The following RIMKLB variants were observed in gnomAD, a reference collection of about 807,000 sequenced individuals.
RIMKLB encodes the protein ribosomal modification protein rimK like family member B, also known as beta-citrylglutamate synthase B.
In RIMKLB, 7 loss-of-function variants were observed where a neutral mutation model predicts 32.0. The observed-to-expected ratio is 0.22, with a 90% CI of 0.12 to 0.41. The LOEUF is 0.41. Ranked by LOEUF, RIMKLB falls within the 10% of genes least tolerant of loss-of-function variation. The pLI, the probability that RIMKLB is intolerant of heterozygous loss-of-function variation, is 1.00. For synonymous variants in RIMKLB, 172 were observed against 185.1 expected (o/e 0.93, Z 0.57); for missense variants, 289 against 498.7 (o/e 0.58, Z 4.00).
downstream of RIMKLB, chr12:8,779,782 A>G (rs1048448571): frequency 2.6e-5 from 4 of 152,170 alleles, no homozygotes; most frequent in African/African-American, 9.7e-5. Flanking sequence ...ATGGGAATAG[A>G]AATGAATCTC....
In RIMKLB at chr12:8,774,839, T is replaced by A; in HGVS notation, c.*1055T>A. On this transcript the variant is annotated 3_prime_UTR_variant, in exon 6 of 6. Transcript: ENST00000535829. ...GAAGTGATTTCGAATGCCAGCGTTA[T>A]ATATTTGCATTTTTCACATTTTACG... 1 of 985,642 alleles carries A rather than the reference T, an allele frequency of 1.0e-6. No individual in the cohort carries two copies. 61.1% of individuals were successfully genotyped at this position (985,642 alleles called of 1,614,324 possible). A position where few individuals can be genotyped will look rare whatever the true frequency, so the allele number is the denominator to read the frequency against.
At chr12:8,691,480 C>T (rs1942731354) in intron 1 of RIMKLB, among the ~76,000 whole-genome samples, 1 of 151,980 alleles carries the variant, frequency 6.6e-6, no homozygotes, top group African/African-American at 2.4e-5. Flanking sequence ...TGCAGTGGTG[C>T]ATGCCTGTAA....
downstream of RIMKLB, chr12:8,777,336 C>T (rs1006085744): frequency 5.1e-6 from 5 of 989,072 alleles, no homozygotes; most frequent in Non-Finnish European, 6.0e-6. Flanking sequence ...CAGAAATCTG[C>T]TGTTGGAATC....
intron 2 of RIMKLB, among the ~76,000 whole-genome samples, chr12:8,725,487 A>G (rs1945891838): frequency 2.0e-5 from 3 of 152,230 alleles, no homozygotes; most frequent in South Asian, 4.1e-4. Flanking sequence ...CATGTTGGCC[A>G]GGCTAGTCTC....
At chr12:8,680,270 C>T (rs868659160), upstream of RIMKLB, among the ~76,000 whole-genome samples, 38 of 152,238 alleles carry the variant, frequency 2.5e-4, no homozygotes, top group Non-Finnish European at 1.5e-4. Context: ...GTTCTCCTGC[C>T]TCAGCCTCCC....
intron 2 of RIMKLB, among the ~76,000 whole-genome samples, chr12:8,730,447 G>T (rs1320935781): frequency 6.6e-6 from 1 of 152,136 alleles, no homozygotes; most frequent in Non-Finnish European, 1.5e-5. Context: ...CTTGGTCACA[G>T]GGCCTAAGAT....
At chr12:8,719,519 C>T (rs1945226024) in intron 2 of RIMKLB, among the ~76,000 whole-genome samples, 1 of 152,138 alleles carries the variant, frequency 6.6e-6, no homozygotes, top group South Asian at 2.1e-4. Context: ...CAGGCGCCCA[C>T]CATTACGCCC....
intron 1 of RIMKLB, among the ~76,000 whole-genome samples, chr12:8,703,292 G>A (rs11046862): frequency 0.07 from 10,555 of 151,422 alleles, 1,209 homozygotes; most frequent in African/African-American, 0.24. Context: ...TCAAAAAAAA[G>A]AAAAAGAAAA....
intron 1 of RIMKLB, among the ~76,000 whole-genome samples, chr12:8,701,076 A>G (rs1266605288): frequency 2.0e-5 from 3 of 152,204 alleles, no homozygotes; most frequent in Non-Finnish European, 2.9e-5. Flanking sequence ...AAAAAAAGAA[A>G]AAAGAAACTG....
chr12:8,722,556 C>T lies in RIMKLB; in HGVS notation c.175+8515C>T, dbSNP rs74059978. On this transcript the variant is annotated intron_variant, in intron 2 of 5. Coordinates refer to ENST00000535829, the MANE Select transcript of RIMKLB (RefSeq NM_001297776.2). Reference sequence around the variant, plus strand: ...CTAAATGAGCATTGGTTTCAACTTACAGTCACCAGCTGCCTTCGCTCCTAA... The same window carrying T: ...CTAAATGAGCATTGGTTTCAACTTATAGTCACCAGCTGCCTTCGCTCCTAA... 2.3e-3 allele frequency among the ~76,000 whole-genome samples: 357 copies of T among 152,264 alleles called. 4 individuals carry two copies. The highest frequency in any genetic ancestry group is 8.3e-3 in the African/African-American group (345 of 41,526).
intron 2 of RIMKLB, among the ~76,000 whole-genome samples, chr12:8,748,886 C>T (rs946520982): frequency 6.6e-6 from 1 of 152,068 alleles, no homozygotes; most frequent in Non-Finnish European, 1.5e-5. Context: ...TTGCAGTGAG[C>T]TGAGACCATG....
upstream of RIMKLB, among the ~76,000 whole-genome samples, chr12:8,696,878 A>C (rs1481388802): frequency 2.0e-5 from 3 of 152,206 alleles, no homozygotes; most frequent in Non-Finnish European, 4.4e-5. Context: ...TGAGCACATT[A>C]CCGTACCTCA....
chr12:8,701,131 A>C (rs1256241092), intron 1 of RIMKLB, among the ~76,000 whole-genome samples: 1 of 152,172 alleles, frequency 6.6e-6, no homozygotes, highest in African/African-American at 2.4e-5. Context: ...TGCGATAGTG[A>C]AAAAAGTATT....
chr12:8,750,736 T>G (rs765314794), intron 3 of RIMKLB, among the ~76,000 whole-genome samples: 1 of 152,152 alleles, frequency 6.6e-6, no homozygotes, highest in Non-Finnish European at 1.5e-5. Flanking sequence ...CTACCCTTTT[T>G]GTATTTATCT....
chr12:8,775,586 C>T lies in RIMKLB; in HGVS notation c.*1802C>T, dbSNP rs1293151073. The T allele has an allele frequency of 5.1e-6, 5 of 985,488 alleles. No homozygotes were observed. The highest frequency in any genetic ancestry group is 6.2e-5 in the Admixed American group (1 of 16,256). The allele number at this position is 985,488 out of a possible 1,614,324, so 61.0% of individuals were successfully genotyped here. The stretch of plus-strand genomic sequence containing the variant: ...TTCTTGGACACTACTAGAGAGACTT[C>T]GAGGCAATAATAAAAGATCAGTATT... On this transcript the variant is annotated 3_prime_UTR_variant, in exon 6 of 6. Coordinates refer to ENST00000535829, the MANE Select transcript of RIMKLB (RefSeq NM_001297776.2).
intron 2 of RIMKLB, among the ~76,000 whole-genome samples, chr12:8,719,783 A>G (rs1945255522): frequency 6.6e-6 from 1 of 152,244 alleles, no homozygotes; most frequent in Non-Finnish European, 1.5e-5. Flanking sequence ...AAAGATATAT[A>G]GAAAACCAAG....
At position 8,775,894 on chromosome 12, in the gene RIMKLB, A is replaced by G. The variant is rs1037727542; in HGVS notation, c.*2110A>G. On this transcript the variant is annotated 3_prime_UTR_variant, in exon 6 of 6. Transcript: ENST00000535829. Reference sequence around the variant, plus strand: ...GGGTAAATGGGGGACTCACATACATATATTAATACCTCTGACTCATTAACA... The same window carrying G: ...GGGTAAATGGGGGACTCACATACATGTATTAATACCTCTGACTCATTAACA... The G allele has an allele frequency of 1.2e-5, 12 of 985,096 alleles. No individual in the cohort carries two copies. The highest frequency in any genetic ancestry group is 1.1e-4 in the East Asian group (1 of 8,830). The allele number at this position is 985,096 out of a possible 1,614,324, so 61.0% of individuals were successfully genotyped here. A position where few individuals can be genotyped will look rare whatever the true frequency, so the allele number is the denominator to read the frequency against.
chr12:8,748,396 A>T, intron 2 of RIMKLB, among the ~76,000 whole-genome samples: 1 of 152,106 alleles, frequency 6.6e-6, no homozygotes, highest in East Asian at 1.9e-4. Flanking sequence ...ATTAAACTTT[A>T]TCACAGGTAT....
rs192006013 is a variant in RIMKLB at position 8,770,884 on chromosome 12, G to T, written c.698-2437G>T. ...ACTGGCTTCAAGTTGGGGTTCCCGT[G>T]ACTTTCTGCTTAGGTTTGATTAATT... On this transcript the variant is annotated intron_variant, in intron 5 of 5. Transcript: ENST00000535829. Among the ~76,000 whole-genome samples, 51 of 152,246 alleles carry T rather than the reference G, an allele frequency of 3.3e-4. 1 individual carries two copies. Among genetic ancestry groups the T allele is most frequent in the South Asian group, 2.1e-4 (1 of 4,820 alleles).
Sources: allele counts gnomAD v4.1 joint callset (sites outside exome capture counted in the v4.1 genomes callset), GRCh38; gene constraint gnomAD v4.1.1; transcripts MANE v1.5; gene names NCBI Gene and HGNC (gene_info 2026-07-23, HGNC 2026-07-21).